The following PLD5 variants were observed in gnomAD, a reference collection of about 807,000 sequenced individuals.
PLD5 encodes inactive phospholipase D5.
A neutral mutation model predicts 61.1 loss-of-function variants in PLD5; 36 were observed. The ratio of observed to expected loss-of-function variants is 0.59; its 90% CI spans 0.45 to 0.78. The LOEUF (loss-of-function observed/expected upper bound fraction) is 0.78. PLD5 is among the 30% of genes least tolerant of loss of function. The pLI, the probability that PLD5 is intolerant of heterozygous loss-of-function variation, is 0.00. For missense variants in PLD5, 515 were observed against 644.4 expected (o/e 0.80, Z 2.17); for synonymous variants, 243 against 242.8 (o/e 1.00, Z -0.01).
At chr1:242,442,582 A>G (rs867856764) in intron 1 of PLD5, among the ~76,000 whole-genome samples, 3 of 152,200 alleles carry the variant, frequency 2.0e-5, no homozygotes, top group Non-Finnish European at 4.4e-5. Flanking sequence ...TTATTCTTTG[A>G]GCGGGGTGCT....
chr1:242,403,042 C>T (rs1219092938), intron 1 of PLD5, among the ~76,000 whole-genome samples: 1 of 152,198 alleles, frequency 6.6e-6, no homozygotes, highest in Non-Finnish European at 1.5e-5. Flanking sequence ...TCAATCAAAC[C>T]TTTTAGCGCC....
At chr1:242,373,916 A>T (rs1558506538) in intron 1 of PLD5, among the ~76,000 whole-genome samples, 2 of 152,088 alleles carry the variant, frequency 1.3e-5, no homozygotes, top group Admixed American at 1.3e-4. Context: ...ATGTATACGT[A>T]TGTAACAAAC....
chr1:242,138,269 GT>G, intron 5 of PLD5, among the ~76,000 whole-genome samples: 1 of 152,186 alleles, frequency 6.6e-6, no homozygotes, highest in East Asian at 1.9e-4. Flanking sequence ...ATATATGGGT[GT>G]GCATGGGTGG....
intron 1 of PLD5, among the ~76,000 whole-genome samples, chr1:242,399,250 G>A (rs1351763786): frequency 2.0e-5 from 3 of 152,234 alleles, no homozygotes; most frequent in African/African-American, 4.8e-5. Flanking sequence ...GGGAAAAGCT[G>A]TAATAAGTGT....
chr1:242,180,506 A>G (rs961464107), intron 5 of PLD5, among the ~76,000 whole-genome samples: 1 of 152,148 alleles, frequency 6.6e-6, no homozygotes, highest in Non-Finnish European at 1.5e-5. Context: ...AAATTGAATT[A>G]GAAAAAAAAA....
chr1:242,218,384 C>G (rs967348445), intron 5 of PLD5, among the ~76,000 whole-genome samples: 3 of 152,206 alleles, frequency 2.0e-5, no homozygotes, highest in Non-Finnish European at 4.4e-5. Context: ...AATTGTGTGA[C>G]TTGCTTTATT....
At chr1:242,155,172 T>C (rs1665254740) in intron 5 of PLD5, among the ~76,000 whole-genome samples, 1 of 152,172 alleles carries the variant, frequency 6.6e-6, no homozygotes, top group Admixed American at 6.5e-5. Flanking sequence ...GTAACTTATA[T>C]TTCTTTGAGA....
chr1:242,409,725 G>A (rs1388103309), intron 1 of PLD5, among the ~76,000 whole-genome samples: 1 of 152,158 alleles, frequency 6.6e-6, no homozygotes, highest in Non-Finnish European at 1.5e-5. Context: ...GTTTGACCAG[G>A]CATGTCATTT....
At chr1:242,221,911 C>T (rs141427195) in intron 4 of PLD5, among the ~76,000 whole-genome samples, 190 of 152,234 alleles carry the variant, frequency 1.2e-3, no homozygotes, top group South Asian at 5.2e-3. Context: ...TAACAAAGTA[C>T]CCTAATCTGG....
chr1:242,145,595 CT>C (rs941554095), intron 5 of PLD5, among the ~76,000 whole-genome samples: 44 of 151,978 alleles, frequency 2.9e-4, no homozygotes, highest in Admixed American at 2.0e-4. Flanking sequence ...ATGATAAGAA[CT>C]TTTTTTTAAT....
intron 1 of PLD5, among the ~76,000 whole-genome samples, chr1:242,430,416 T>G (rs546728449): frequency 6.6e-6 from 1 of 152,234 alleles, no homozygotes; most frequent in South Asian, 2.1e-4. Flanking sequence ...TAATCCCATC[T>G]TGGGGGCCCC....
chr1:242,351,255 C>T (rs1043538463), intron 1 of PLD5, among the ~76,000 whole-genome samples: 1 of 152,078 alleles, frequency 6.6e-6, no homozygotes, highest in East Asian at 1.9e-4. Context: ...CAGCACAACC[C>T]TAACAAATAG....
chr1:242,527,397 A>G (rs10803051), upstream of PLD5, among the ~76,000 whole-genome samples: 60,133 of 151,860 alleles, frequency 0.4, 13,154 homozygotes, highest in East Asian at 0.64. Flanking sequence ...CGGCCTCCCA[A>G]AGTATTGGGA....
chr1:242,341,945 C>A (rs2149213621), intron 2 of PLD5, among the ~76,000 whole-genome samples: 1 of 151,120 alleles, frequency 6.6e-6, no homozygotes, highest in Non-Finnish European at 1.5e-5. Flanking sequence ...GGGGCTGATT[C>A]AGGAAGATGA....
At chr1:242,100,299 A>T (rs1034852611) in intron 9 of PLD5, among the ~76,000 whole-genome samples, 15 of 152,186 alleles carry the variant, frequency 9.9e-5, no homozygotes, top group Admixed American at 5.9e-4. Context: ...CCCATCACTC[A>T]TGTCAGGCTG....
intron 5 of PLD5, among the ~76,000 whole-genome samples, chr1:242,167,708 G>A (rs1666432087): frequency 6.6e-6 from 1 of 152,174 alleles, no homozygotes; most frequent in Non-Finnish European, 1.5e-5. Context: ...GAGGCAATAA[G>A]GCACAGAGAG....
chr1:242,313,686 G>A (rs1676837794), intron 2 of PLD5, among the ~76,000 whole-genome samples: 1 of 152,126 alleles, frequency 6.6e-6, no homozygotes, highest in African/African-American at 2.4e-5. Context: ...GTCAAATGCT[G>A]AGCCTAGTTC....
At chr1:242,379,323 G>T (rs1662150510) in intron 1 of PLD5, among the ~76,000 whole-genome samples, 2 of 152,136 alleles carry the variant, frequency 1.3e-5, no homozygotes, top group Admixed American at 1.3e-4. Context: ...GACCTTGGTT[G>T]TCCACTCCTT....
chr1:242,414,479 C>T (rs1664718321), intron 1 of PLD5, among the ~76,000 whole-genome samples: 1 of 152,028 alleles, frequency 6.6e-6, no homozygotes, highest in African/African-American at 2.4e-5. Flanking sequence ...GAAAGGACAA[C>T]TCAATTACAA....
Sources: gnomAD v4.1 joint callset for allele counts (sites outside exome capture counted in the v4.1 genomes callset) on GRCh38, gnomAD v4.1.1 for gene constraint, MANE v1.5 for transcripts, NCBI Gene and HGNC (gene_info 2026-07-23, HGNC 2026-07-21) for gene names.